CTNNA3: variants seen among roughly 807,000 people sequenced by gnomAD.
CTNNA3 encodes catenin alpha-3.
Under a neutral mutation model 95.7 loss-of-function variants are expected in CTNNA3, and 76 were observed. That is an observed-to-expected ratio of 0.79 (90% CI 0.66 to 0.96). The LOEUF (loss-of-function observed/expected upper bound fraction) is 0.96. Among genes scored for constraint, CTNNA3 ranks in the 40% least tolerant of loss-of-function variants. The pLI, the probability that CTNNA3 is intolerant of heterozygous loss-of-function variation, is 0.00. For missense variants in CTNNA3, 1,191 were observed against 1,089.8 expected (o/e 1.09, Z -1.31); for synonymous variants, 431 against 374.4 (o/e 1.15, Z -1.74).
chr10:67,376,714 G>A (rs2132718710), intron 5 of CTNNA3, among the ~76,000 whole-genome samples: 1 of 152,326 alleles, frequency 6.6e-6, no homozygotes, highest in South Asian at 2.1e-4. Flanking sequence ...TTTCATAGCA[G>A]AGTAAGAGAC....
At chr10:66,458,747 A>T (rs1216423338) in intron 11 of CTNNA3, among the ~76,000 whole-genome samples, 1 of 152,196 alleles carries the variant, frequency 6.6e-6, no homozygotes, top group African/African-American at 2.4e-5. Context: ...ATGTTGAAGC[A>T]ATCAGAATTT....
chr10:67,540,078 C>G (rs748493507), intron 3 of CTNNA3, among the ~76,000 whole-genome samples: 3 of 152,028 alleles, frequency 2.0e-5, no homozygotes, highest in Non-Finnish European at 4.4e-5. Context: ...CTGCAGCTCT[C>G]TGATAAAAGT....
At chr10:67,568,786 G>A (rs12572542) in intron 3 of CTNNA3, among the ~76,000 whole-genome samples, 1 of 152,052 alleles carries the variant, frequency 6.6e-6, no homozygotes, top group Non-Finnish European at 1.5e-5. Context: ...TTAGGACTTA[G>A]GTGAAATGTT....
At chr10:66,645,873 A>G (rs1845690506) in intron 9 of CTNNA3, among the ~76,000 whole-genome samples, 2 of 152,140 alleles carry the variant, frequency 1.3e-5, no homozygotes, top group African/African-American at 2.4e-5. Flanking sequence ...CCTGGTCCCA[A>G]AAAGGTTGGG....
At chr10:67,509,264 C>A (rs971739889) in intron 5 of CTNNA3, among the ~76,000 whole-genome samples, 1 of 151,386 alleles carries the variant, frequency 6.6e-6, no homozygotes, top group Non-Finnish European at 1.5e-5. Context: ...CATAGGTATA[C>A]ATGTGCCATG....
intron 3 of CTNNA3, among the ~76,000 whole-genome samples, chr10:67,586,845 T>C (rs1564763441): frequency 6.6e-6 from 1 of 152,138 alleles, no homozygotes; most frequent in Non-Finnish European, 1.5e-5. Context: ...TGTTTTCTAG[T>C]TTTTAAAAAA....
At chr10:67,416,535 G>T (rs575549657) in intron 5 of CTNNA3, among the ~76,000 whole-genome samples, 260 of 150,996 alleles carry the variant, frequency 1.7e-3, no homozygotes, top group Middle Eastern at 3.4e-3. Context: ...GTGAACCCGG[G>T]GGGCGGAGCT....
chr10:67,132,234 TA>T (rs1456019333), intron 7 of CTNNA3, among the ~76,000 whole-genome samples: 1 of 152,082 alleles, frequency 6.6e-6, no homozygotes, highest in African/African-American at 2.4e-5. Context: ...AGTGAGATGA[TA>T]ATATGAGAAT....
intron 7 of CTNNA3, among the ~76,000 whole-genome samples, chr10:67,022,643 AATATACACT>A (rs1853097758): frequency 1.3e-5 from 2 of 152,178 alleles, no homozygotes; most frequent in South Asian, 4.1e-4. Context: ...AAAAATTTTA[AATATACACT>A]GAAGGCCGGG....
intron 14 of CTNNA3, among the ~76,000 whole-genome samples, chr10:66,088,070 T>C (rs1016511578): frequency 6.6e-6 from 1 of 152,044 alleles, no homozygotes; most frequent in African/African-American, 2.4e-5. Flanking sequence ...AGTAAACTTA[T>C]AGATAGCTAT....
intron 11 of CTNNA3, among the ~76,000 whole-genome samples, chr10:66,395,704 C>T (rs561662294): frequency 6.6e-6 from 1 of 152,134 alleles, no homozygotes; most frequent in Admixed American, 6.6e-5. Context: ...CATAGCCATT[C>T]TGTAACCTCT....
intron 13 of CTNNA3, among the ~76,000 whole-genome samples, chr10:66,167,153 G>A (rs2085176504): frequency 6.6e-6 from 1 of 152,102 alleles, no homozygotes; most frequent in African/African-American, 2.4e-5. Flanking sequence ...TAAGAGAAAG[G>A]GACATAGGAC....
intron 3 of CTNNA3, among the ~76,000 whole-genome samples, chr10:67,548,431 A>T (rs112736608): frequency 0.017 from 2,521 of 152,294 alleles, 76 homozygotes; most frequent in African/African-American, 0.055. Context: ...TGGCTCTTTC[A>T]AAGAAATTCA....
intron 13 of CTNNA3, among the ~76,000 whole-genome samples, chr10:66,273,263 G>T (rs149924169): frequency 6.6e-5 from 10 of 152,228 alleles, no homozygotes; most frequent in Non-Finnish European, 1.3e-4. Context: ...AATACTATAT[G>T]ACTAATGGGA....
chr10:67,149,777 T>C (rs1861012890), intron 7 of CTNNA3, among the ~76,000 whole-genome samples: 1 of 152,164 alleles, frequency 6.6e-6, no homozygotes, highest in Non-Finnish European at 1.5e-5. Flanking sequence ...GCCTGGTCCA[T>C]AGTCAATATT....
At position 66,903,168 on chromosome 10, in the gene CTNNA3, GC is replaced by G. The variant is rs1235874550; in HGVS notation, c.1048-127645del. ...ACCGAATCCAGCAGCACATCAAAAA[GC>G]TTATCCACCATGATCAAGTCAGCTT... On this transcript the variant is annotated intron_variant, in intron 7 of 17. Transcript: ENST00000433211. Among the ~76,000 whole-genome samples, 44 of 152,174 alleles carry G rather than the reference GC, an allele frequency of 2.9e-4. 1 individual carries two copies. Among genetic ancestry groups the G allele is most frequent in the African/African-American group, 9.4e-4 (39 of 41,510 alleles).
At chr10:66,793,846 CA>C (rs1841081194) in intron 7 of CTNNA3, among the ~76,000 whole-genome samples, 1 of 152,046 alleles carries the variant, frequency 6.6e-6, no homozygotes, top group African/African-American at 2.4e-5. Flanking sequence ...ACATAAAGAA[CA>C]ATTCTATTTA....
chr10:66,716,826 C>G (rs1418647491), intron 9 of CTNNA3, among the ~76,000 whole-genome samples: 1 of 152,078 alleles, frequency 6.6e-6, no homozygotes, highest in Non-Finnish European at 1.5e-5. Context: ...AGTGCGTCAC[C>G]CGACTTTGGT....
chr10:66,335,578 T>C (rs2092385288), intron 12 of CTNNA3, among the ~76,000 whole-genome samples: 1 of 152,046 alleles, frequency 6.6e-6, no homozygotes, highest in Non-Finnish European at 1.5e-5. Flanking sequence ...GCTGCCTGAT[T>C]GTTCCTCTGG....
Sources: allele counts gnomAD v4.1 joint callset (sites outside exome capture counted in the v4.1 genomes callset), GRCh38; gene constraint gnomAD v4.1.1; transcripts MANE v1.5; gene names NCBI Gene and HGNC (gene_info 2026-07-23, HGNC 2026-07-21).